RPS6KC1: variants seen among roughly 807,000 people sequenced by gnomAD.
RPS6KC1 encodes ribosomal protein S6 kinase C1.
Under a neutral mutation model 103.8 loss-of-function variants are expected in RPS6KC1, and 54 were observed. The observed-to-expected ratio is 0.52, with a 90% confidence interval of 0.42 to 0.65. The LOEUF (loss-of-function observed/expected upper bound fraction) is 0.65. RPS6KC1 is among the 30% of genes least tolerant of loss of function. RPS6KC1 has a pLI of 0.00. For missense variants in RPS6KC1, 1,151 were observed against 1,253.8 expected (o/e 0.92, Z 1.24); for synonymous variants, 439 against 438.7 (o/e 1.00, Z -0.01).
the RPS6KC1 span, among the ~76,000 whole-genome samples, chr1:213,774,741 A>G: frequency 6.6e-6 from 1 of 152,186 alleles, no homozygotes; most frequent in East Asian, 1.9e-4. Context: ...ATTAGTTTGC[A>G]TTTCCTCAGA....
chr1:213,107,293 A>C (rs752680734), intron 4 of RPS6KC1, among the ~76,000 whole-genome samples: 1 of 152,090 alleles, frequency 6.6e-6, no homozygotes, highest in Non-Finnish European at 1.5e-5. Flanking sequence ...TCTACTTGCT[A>C]TGGTGATCCC....
the RPS6KC1 span, among the ~76,000 whole-genome samples, chr1:213,636,938 C>T: frequency 1.3e-5 from 2 of 152,112 alleles, no homozygotes; most frequent in Non-Finnish European, 2.9e-5. Context: ...ACAACCCCAT[C>T]AAAAAATGGG....
At chr1:213,491,520 C>G in the RPS6KC1 span, among the ~76,000 whole-genome samples, 2 of 152,112 alleles carry the variant, frequency 1.3e-5, no homozygotes, top group Non-Finnish European at 2.9e-5. Context: ...TGCACTCCAT[C>G]CTGGGCCACA....
the RPS6KC1 span, among the ~76,000 whole-genome samples, chr1:213,522,471 CAA>C: frequency 6.6e-6 from 1 of 152,218 alleles, no homozygotes. Flanking sequence ...TAACCCCTAA[CAA>C]GAGAGTCAGC....
chr1:213,618,844 A>C, the RPS6KC1 span, among the ~76,000 whole-genome samples: 4 of 152,214 alleles, frequency 2.6e-5, no homozygotes, highest in African/African-American at 7.2e-5. Context: ...AGTTCATAAA[A>C]GTTTGTGTCA....
chr1:213,188,722 G>T (rs1263717081), intron 8 of RPS6KC1, among the ~76,000 whole-genome samples: 1 of 152,084 alleles, frequency 6.6e-6, no homozygotes, highest in Admixed American at 6.6e-5. Context: ...AAAGAAATCA[G>T]AGGTCTGAAT....
At chr1:213,088,816 T>C (rs1210117775) in intron 3 of RPS6KC1, among the ~76,000 whole-genome samples, 1 of 152,206 alleles carries the variant, frequency 6.6e-6, no homozygotes, top group Non-Finnish European at 1.5e-5. Context: ...TGGCTGGTAG[T>C]CTACATGGAA....
At chr1:213,222,994 G>A (rs1019899846) in intron 8 of RPS6KC1, among the ~76,000 whole-genome samples, 1 of 152,190 alleles carries the variant, frequency 6.6e-6, no homozygotes, top group Admixed American at 6.5e-5. Flanking sequence ...ATGAAAGTAT[G>A]TTGGGAAAAA....
At chr1:213,756,155 T>C in the RPS6KC1 span, among the ~76,000 whole-genome samples, 4 of 152,248 alleles carry the variant, frequency 2.6e-5, no homozygotes, top group Non-Finnish European at 5.9e-5. Flanking sequence ...TGTTTTGTAC[T>C]ACTACTTATC....
At chr1:213,284,029 G>A in the RPS6KC1 span, among the ~76,000 whole-genome samples, 1 of 152,030 alleles carries the variant, frequency 6.6e-6, no homozygotes, top group Non-Finnish European at 1.5e-5. Flanking sequence ...ACAAATAAAG[G>A]TAGCATTCCA....
In RPS6KC1 at chr1:213,093,303, C is replaced by T. The variant is rs546210693; in HGVS notation, c.263-11151C>T. On this transcript the variant is annotated intron_variant, in intron 3 of 14. Coordinates refer to ENST00000366960, the MANE Select transcript of RPS6KC1 (RefSeq NM_012424.6). ...TCGGCTCACTGAAACCTCCACCTCC[C>T]GGGTTCAAGAGATTCTCCTGCCTCA... Among the ~76,000 whole-genome samples the T allele has an allele frequency of 1.1e-4, 17 of 151,646 alleles. 1 individual carries two copies. The highest frequency in any genetic ancestry group is 2.6e-4 in the Admixed American group (4 of 15,214).
chr1:213,363,786 CTTTCTTTCTTTCTTTCTTTCTTTCT>C, the RPS6KC1 span, among the ~76,000 whole-genome samples: 11 of 95,268 alleles, frequency 1.2e-4, 1 homozygote, highest in African/African-American at 6.1e-4. Flanking sequence ...TTCTTTCTTT[CTTTCTTTCTTTCTTTCTTTCTTTCT>C]TTCTTCTCTC....
At chr1:213,449,158 G>C in the RPS6KC1 span, among the ~76,000 whole-genome samples, 1 of 152,188 alleles carries the variant, frequency 6.6e-6, no homozygotes, top group African/African-American at 2.4e-5. Flanking sequence ...TGCCTCTGCT[G>C]TGCCGTGGTG....
At chr1:213,167,008 G>T (rs2091022040) in intron 6 of RPS6KC1, among the ~76,000 whole-genome samples, 1 of 152,152 alleles carries the variant, frequency 6.6e-6, no homozygotes, top group African/African-American at 2.4e-5. Context: ...GCTGTTGGCA[G>T]TTCCTACTCC....
At chr1:213,808,878 C>T in the RPS6KC1 span, among the ~76,000 whole-genome samples, 11 of 152,356 alleles carry the variant, frequency 7.2e-5, no homozygotes, top group South Asian at 4.1e-4. Context: ...GCATCGCTCA[C>T]GCTGGGAGCT....
At chr1:213,321,054 A>G in the RPS6KC1 span, among the ~76,000 whole-genome samples, 12 of 152,154 alleles carry the variant, frequency 7.9e-5, no homozygotes, top group African/African-American at 2.9e-4. Context: ...TACACTTCTC[A>G]ACTTGTGTCC....
chr1:213,630,142 T>C, the RPS6KC1 span, among the ~76,000 whole-genome samples: 2 of 152,230 alleles, frequency 1.3e-5, no homozygotes, highest in Non-Finnish European at 2.9e-5. Flanking sequence ...CCTTGCTAGA[T>C]TGGGGAAGTT....
At chr1:213,105,501 A>ATTAT (rs201981469) in intron 4 of RPS6KC1, among the ~76,000 whole-genome samples, 14 of 151,040 alleles carry the variant, frequency 9.3e-5, no homozygotes, top group African/African-American at 3.2e-4. Flanking sequence ...ATCTACACAG[A>ATTAT]TTATTTATTT....
chr1:213,700,650 T>A, the RPS6KC1 span, among the ~76,000 whole-genome samples: 1 of 152,104 alleles, frequency 6.6e-6, no homozygotes, highest in African/African-American at 2.4e-5. Flanking sequence ...TTGGGTAGTA[T>A]GGACATTTTA....
Sources: allele counts gnomAD v4.1 joint callset (sites outside exome capture counted in the v4.1 genomes callset), GRCh38; gene constraint gnomAD v4.1.1; transcripts MANE v1.5; gene names NCBI Gene and HGNC (gene_info 2026-07-23, HGNC 2026-07-21).